MRPL43: variants seen among roughly 807,000 people sequenced by gnomAD.
The protein encoded by MRPL43 is large ribosomal subunit protein mL43.
MRPL43 carries 9 observed loss-of-function variants against 12.7 expected under a neutral mutation model. That is an observed-to-expected ratio of 0.71 (90% CI 0.43 to 1.24). The LOEUF (loss-of-function observed/expected upper bound fraction) is 1.24, where lower values mean the gene tolerates loss of function less well. Among genes scored for constraint, MRPL43 ranks in the 50% most tolerant of loss-of-function variants. The pLI is 0.00. For synonymous variants in MRPL43, 116 were observed against 96.4 expected (o/e 1.20, Z -1.19); for missense variants, 211 against 229.2 (o/e 0.92, Z 0.51).
downstream of MRPL43, chr10:100,978,291 C>T: frequency 2.5e-6 from 4 of 1,611,042 alleles, no homozygotes; most frequent in Non-Finnish European, 3.4e-6. Context: ...TCCTTGTTCC[C>T]TAGGATGCTG....
At chr10:100,982,048 A>C, downstream of MRPL43, among the ~76,000 whole-genome samples, 1 of 129,894 alleles carries the variant, frequency 7.7e-6, no homozygotes, top group African/African-American at 3.0e-5. Context: ...ACAGAGTGAG[A>C]CCTCATCTCA....
chr10:100,986,058 A>G (rs1851445552), downstream of MRPL43, among the ~76,000 whole-genome samples: 1 of 152,070 alleles, frequency 6.6e-6, no homozygotes, highest in Non-Finnish European at 1.5e-5. Context: ...ACGTGGGGGG[A>G]AGGAGATGTA....
downstream of MRPL43, chr10:100,984,825 C>T: frequency 6.6e-7 from 1 of 1,523,924 alleles, no homozygotes; most frequent in East Asian, 2.5e-5. Context: ...TCACTCCCCT[C>T]CTCTCCCTTC....
downstream of MRPL43, chr10:100,979,211 T>C (rs774536639): frequency 1.9e-6 from 3 of 1,614,202 alleles, no homozygotes; most frequent in Non-Finnish European, 2.5e-6. Context: ...GTCTGCAGCC[T>C]GGATGCTGAA....
intron 2 of MRPL43, 25 bp downstream of exon 2, chr10:100,987,065 C>G (rs772604914): frequency 6.2e-7 from 1 of 1,611,832 alleles, no homozygotes; most frequent in South Asian, 1.1e-5. Flanking sequence ...ATCCCGCCCT[C>G]CAGCCCGAGC....
At chr10:100,978,255 T>C (rs1162448506), downstream of MRPL43, 3 of 1,509,550 alleles carry the variant, frequency 2.0e-6, no homozygotes, top group South Asian at 2.3e-5. Context: ...TGTCCCTGCC[T>C]GTCTTCGGAA....
In MRPL43 at chr10:100,987,384, A is replaced by T. The variant is rs770570862; in HGVS notation, c.60T>A (p.Gly20=). 6.2e-7 allele frequency: 1 copy of T among 1,612,600 alleles called. No individual in the cohort carries two copies. Among genetic ancestry groups the T allele is most frequent in the African/African-American group, 1.3e-5 (1 of 75,042 alleles). Residue 20 remains glycine, a synonymous_variant, in exon 1 of 3, where the codon GGT becomes GGA. Transcript: ENST00000318364. ...GACGCTGCAGCTGCTGCACATAGCGACCCAGTCCGTTGTGGAGAACGCTGG... is the reference window on the plus strand; with the variant it reads ...GACGCTGCAGCTGCTGCACATAGCGTCCCAGTCCGTTGTGGAGAACGCTGG... The part of the protein sequence containing the change: ...FLASVLHNGL[G]RYVQQLQRLS...
chr10:100,979,348 T>C (rs1589988356), downstream of MRPL43: 49 of 1,612,510 alleles, frequency 3.0e-5, no homozygotes, highest in East Asian at 9.6e-4. Flanking sequence ...GAGGATGAGA[T>C]AGGATCCACT....
chr10:100,984,596 C>T (rs1851330601), downstream of MRPL43: 2 of 1,536,236 alleles, frequency 1.3e-6, no homozygotes, highest in Non-Finnish European at 1.7e-6. Context: ...CACCTAAGCC[C>T]TGCGTACATT....
downstream of MRPL43, chr10:100,983,794 T>C: frequency 1.9e-6 from 3 of 1,606,678 alleles, no homozygotes; most frequent in Non-Finnish European, 2.5e-6. Context: ...GCGGTGCAAC[T>C]GCAGACAGTC....
At chr10:100,977,857 C>G, downstream of MRPL43, 1 of 763,370 alleles carries the variant, frequency 1.3e-6, no homozygotes, top group South Asian at 1.5e-5. Context: ...GACTTCCATA[C>G]AGGGCACTCC....
chr10:100,984,280 C>T, downstream of MRPL43: 4 of 1,439,730 alleles, frequency 2.8e-6, no homozygotes, highest in Non-Finnish European at 3.6e-6. Context: ...GCTGGCCAGT[C>T]AGGCCCAGCC....
At position 100,986,671 on chromosome 10, in the gene MRPL43, G is replaced by C; in HGVS notation, c.*63C>G. The C allele has an allele frequency of 1.9e-6, 3 of 1,613,874 alleles. No homozygotes were observed. The highest frequency in any genetic ancestry group is 2.2e-5 in the South Asian group (2 of 91,070). Reference sequence around the variant, plus strand: ...TGCCTGGGCTTGGAATCCCAAAGGGGAAGAACCACCTTTACCGGAGTAACA... The same window carrying C: ...TGCCTGGGCTTGGAATCCCAAAGGGCAAGAACCACCTTTACCGGAGTAACA... On this transcript the variant is annotated 3_prime_UTR_variant, in exon 3 of 3. Coordinates refer to ENST00000318364, the MANE Select transcript of MRPL43 (RefSeq NM_032112.3).
chr10:100,983,578 C>T, downstream of MRPL43: 2 of 1,614,012 alleles, frequency 1.2e-6, no homozygotes, highest in Non-Finnish European at 1.7e-6. Context: ...CCAGCCACTC[C>T]TGCCCCAGCT....
At chr10:100,983,373 C>A (rs1442105033), downstream of MRPL43, 5 of 1,607,576 alleles carry the variant, frequency 3.1e-6, no homozygotes, top group Non-Finnish European at 4.2e-6. Context: ...CTGTGACCAG[C>A]CATCCAACCT....
downstream of MRPL43, chr10:100,984,668 C>T: frequency 2.6e-6 from 4 of 1,536,282 alleles, no homozygotes; most frequent in South Asian, 2.4e-5. Flanking sequence ...CTCACCTTCT[C>T]CTGGTGCATT....
downstream of MRPL43, chr10:100,979,123 A>G: frequency 6.2e-7 from 1 of 1,614,110 alleles, no homozygotes. Flanking sequence ...AGGGAAGAAG[A>G]TCCTGCAGAA....
chr10:100,983,925 C>T (rs1590000861), downstream of MRPL43: 2 of 1,596,088 alleles, frequency 1.3e-6, no homozygotes, highest in Non-Finnish European at 1.7e-6. Flanking sequence ...CCCACCGCCC[C>T]CACCGCCACC....
chr10:100,978,681 T>C (rs1850911091), downstream of MRPL43: 8 of 1,589,820 alleles, frequency 5.0e-6, no homozygotes, highest in African/African-American at 1.1e-4. Flanking sequence ...GGTAGGGGAC[T>C]ATTTCTTCAT....
Sources: allele counts gnomAD v4.1 joint callset (sites outside exome capture counted in the v4.1 genomes callset), GRCh38; gene constraint gnomAD v4.1.1; transcripts MANE v1.5; gene names NCBI Gene and HGNC (gene_info 2026-07-23, HGNC 2026-07-21).